Variants in KHDRBS2 observed in about 807,000 individuals in gnomAD.
KHDRBS2 encodes the protein KH domain-containing, RNA-binding, signal transduction-associated protein 2.
KHDRBS2 carries 26 observed loss-of-function variants against 44.3 expected under a neutral mutation model. The observed-to-expected ratio is 0.59, with a 90% confidence interval of 0.43 to 0.81. The LOEUF (loss-of-function observed/expected upper bound fraction) is 0.81, where lower values mean the gene tolerates loss of function less well. Ranked by LOEUF, KHDRBS2 falls within the 40% of genes least tolerant of loss-of-function variation. The probability of loss-of-function intolerance (pLI) is 0.00; values close to 1 mark genes in which losing one functional copy is unlikely to be tolerated. For synonymous variants in KHDRBS2, 194 were observed against 151.1 expected (o/e 1.28, Z -2.08); for missense variants, 476 against 433.1 (o/e 1.10, Z -0.88).
chr6:61,859,579 C>G (rs1287822847), intron 6 of KHDRBS2, among the ~76,000 whole-genome samples: 1 of 151,962 alleles, frequency 6.6e-6, no homozygotes, highest in East Asian at 1.9e-4. Context: ...TTTGGCAATG[C>G]TCCCAGAAGC....
chr6:61,917,134 C>A (rs1422908726), intron 4 of KHDRBS2, among the ~76,000 whole-genome samples: 2 of 151,670 alleles, frequency 1.3e-5, no homozygotes, highest in African/African-American at 4.8e-5. Flanking sequence ...CGCACAGTAA[C>A]CTGCACACAA....
chr6:61,765,945 T>G (rs1562122011), intron 6 of KHDRBS2, among the ~76,000 whole-genome samples: 1 of 151,844 alleles, frequency 6.6e-6, no homozygotes, highest in African/African-American at 2.4e-5. Context: ...AGTTTTCTTT[T>G]TTTAGATATT....
At chr6:61,712,801 G>C (rs1770738414) in intron 7 of KHDRBS2, among the ~76,000 whole-genome samples, 1 of 151,676 alleles carries the variant, frequency 6.6e-6, no homozygotes, top group African/African-American at 2.4e-5. Flanking sequence ...TTTAGATATG[G>C]TTGTGCCCCC....
intron 3 of KHDRBS2, among the ~76,000 whole-genome samples, chr6:61,979,270 G>T (rs1207588395): frequency 6.6e-6 from 1 of 152,070 alleles, no homozygotes; most frequent in East Asian, 1.9e-4. Flanking sequence ...AAATGTGGCA[G>T]AAAAGTTAAC....
rs145625262 is a variant in KHDRBS2, at chr6:62,239,146, T to C, written c.91+46712A>G. Among the ~76,000 whole-genome samples, 1,260 of 152,340 alleles carry C rather than the reference T, an allele frequency of 8.3e-3. 11 individuals carry two copies. Among genetic ancestry groups the C allele is most frequent in the Non-Finnish European group, 0.014 (943 of 68,026 alleles). On this transcript the variant is annotated intron_variant, in intron 1 of 8. Transcript: ENST00000281156. ...TCAATGTTGAATTTCTTGGTTATCA[T>C]AGTGATATTGTTGTATATGAGAAAG...
At chr6:61,780,467 G>C (rs1328179519) in intron 6 of KHDRBS2, among the ~76,000 whole-genome samples, 1 of 151,978 alleles carries the variant, frequency 6.6e-6, no homozygotes, top group Admixed American at 6.6e-5. Flanking sequence ...CTTCAGCCTG[G>C]GCGACAGAGC....
intron 6 of KHDRBS2, among the ~76,000 whole-genome samples, chr6:61,776,732 A>G (rs534832822): frequency 6.6e-6 from 1 of 152,272 alleles, no homozygotes; most frequent in East Asian, 1.9e-4. Context: ...CAGTGTGGCG[A>G]TTTCTCAGGG....
At chr6:61,588,814 C>T in the KHDRBS2 span, among the ~76,000 whole-genome samples, 2 of 151,950 alleles carry the variant, frequency 1.3e-5, no homozygotes, top group African/African-American at 4.8e-5. Flanking sequence ...TTGGAACCAA[C>T]CCAAATGGCC....
chr6:61,562,387 G>A, the KHDRBS2 span, among the ~76,000 whole-genome samples: 5 of 152,140 alleles, frequency 3.3e-5, no homozygotes, highest in Non-Finnish European at 7.3e-5. Context: ...GTCCTCAAGT[G>A]TTGGCTGGTT....
rs1045280879 is a variant in KHDRBS2 at position 62,281,002 on chromosome 6, GA to G, written c.91+4855del. Among the ~76,000 whole-genome samples the G allele has an allele frequency of 1.1e-4, 17 of 152,132 alleles. 1 individual carries two copies. The stretch of plus-strand genomic sequence containing the variant: ...CATTTCCTCCAATAAAACAGATGAT[GA>G]AATCACCTGCTGAGAGTGAAGAACA... On this transcript the variant is annotated intron_variant, in intron 1 of 8. Transcript: ENST00000281156.
chr6:62,099,079 A>G (rs1801278126), intron 2 of KHDRBS2, among the ~76,000 whole-genome samples: 1 of 152,156 alleles, frequency 6.6e-6, no homozygotes, highest in Non-Finnish European at 1.5e-5. Context: ...AGTTTCCTTG[A>G]ACAGCTATTT....
chr6:61,833,850 T>G (rs1409230908), intron 6 of KHDRBS2, among the ~76,000 whole-genome samples: 1 of 152,176 alleles, frequency 6.6e-6, no homozygotes, highest in Non-Finnish European at 1.5e-5. Context: ...AAAATTTGTT[T>G]AAAATTTAAA....
At chr6:62,207,397 T>C (rs1247131687) in intron 1 of KHDRBS2, among the ~76,000 whole-genome samples, 2 of 152,128 alleles carry the variant, frequency 1.3e-5, no homozygotes, top group African/African-American at 4.8e-5. Context: ...ACAAGACTCC[T>C]GGACCTACCA....
At chr6:61,752,102 C>A (rs1471534034) in intron 6 of KHDRBS2, among the ~76,000 whole-genome samples, 1 of 152,112 alleles carries the variant, frequency 6.6e-6, no homozygotes, top group Non-Finnish European at 1.5e-5. Flanking sequence ...AAAGCCTCAA[C>A]ATATGAATTT....
At chr6:62,080,026 A>AAT (rs1348131042) in intron 2 of KHDRBS2, among the ~76,000 whole-genome samples, 1 of 151,952 alleles carries the variant, frequency 6.6e-6, no homozygotes, top group Non-Finnish European at 1.5e-5. Flanking sequence ...TCTGATGAAT[A>AAT]ATATATATAT....
At chr6:61,572,305 T>C in the KHDRBS2 span, among the ~76,000 whole-genome samples, 2 of 151,954 alleles carry the variant, frequency 1.3e-5, no homozygotes, top group Non-Finnish European at 2.9e-5. Flanking sequence ...ATATAACAAG[T>C]AGCGAGATTG....
chr6:62,262,168 A>C (rs1203692073), intron 1 of KHDRBS2, among the ~76,000 whole-genome samples: 1 of 151,378 alleles, frequency 6.6e-6, no homozygotes, highest in African/African-American at 2.4e-5. Flanking sequence ...ATTTTTTTCC[A>C]CTTATCTTTG....
intron 1 of KHDRBS2, among the ~76,000 whole-genome samples, chr6:62,180,658 C>T (rs1220572075): frequency 1.3e-5 from 2 of 151,554 alleles, no homozygotes; most frequent in African/African-American, 2.4e-5. Flanking sequence ...TGTCAAAATC[C>T]CAATGACATT....
chr6:61,585,047 T>A, the KHDRBS2 span, among the ~76,000 whole-genome samples: 3 of 151,950 alleles, frequency 2.0e-5, no homozygotes, highest in Admixed American at 1.3e-4. Flanking sequence ...GAAAAATAGG[T>A]AATATGATGT....
Sources: gnomAD v4.1 joint callset for allele counts (sites outside exome capture counted in the v4.1 genomes callset) on GRCh38, gnomAD v4.1.1 for gene constraint, MANE v1.5 for transcripts, NCBI Gene and HGNC (gene_info 2026-07-23, HGNC 2026-07-21) for gene names.